Variants in RORC observed in about 807,000 individuals in gnomAD.
The protein encoded by RORC is nuclear receptor ROR-gamma.
Under a neutral mutation model 64.5 loss-of-function variants are expected in RORC, and 13 were observed. That is an observed-to-expected ratio of 0.20 (90% CI 0.13 to 0.32). The LOEUF is 0.32. Among genes scored for constraint, RORC ranks in the 10% least tolerant of loss-of-function variants. The probability of loss-of-function intolerance (pLI) is 1.00; values close to 1 mark genes in which losing one functional copy is unlikely to be tolerated. For synonymous variants in RORC, 277 were observed against 259.3 expected (o/e 1.07, Z -0.65); for missense variants, 468 against 669.5 (o/e 0.70, Z 3.32).
At chr1:151,813,090 T>C (rs1255418246) in intron 8 of RORC, 33 bp from the exon 9 acceptor site, 2 of 1,521,622 alleles carry the variant, frequency 1.3e-6, no homozygotes, top group Non-Finnish European at 1.8e-6. Context: ...AGTGAGAGAG[T>C]GGCTGGAGCG....
At chr1:151,811,252 C>A in intron 10 of RORC, 73 bp downstream of exon 10, 1 of 946,218 alleles carries the variant, frequency 1.1e-6, no homozygotes, top group South Asian at 1.4e-5. Flanking sequence ...CCACAGACCC[C>A]GGCCCTCGCA....
intron 2 of RORC, among the ~76,000 whole-genome samples, chr1:151,824,615 A>G (rs1294276198): frequency 6.6e-6 from 1 of 152,158 alleles, no homozygotes; most frequent in Non-Finnish European, 1.5e-5. Context: ...CAGAAGTGGA[A>G]TTCTTTTCTT....
chr1:151,817,294 A>G lies in RORC; in HGVS notation c.71-14T>C. 6.2e-7 allele frequency: 1 copy of G among 1,605,900 alleles called. No homozygotes were observed. Among genetic ancestry groups the G allele is most frequent in the Non-Finnish European group, 8.5e-7 (1 of 1,172,390 alleles). On this transcript the variant is annotated splice_polypyrimidine_tract_variant and intron_variant, in intron 2 of 10. Coordinates refer to ENST00000318247, the MANE Select transcript of RORC (RefSeq NM_005060.4). The stretch of plus-strand genomic sequence containing the variant: ...CTTCAATTTGTGCTGGAAGAGAGAA[A>G]GAGAAGTAGGTCAGCCCAGGAGGCT...
chr1:151,811,397 C>T lies in RORC; in HGVS notation c.1323G>A (p.Gln441=), dbSNP rs750071909. Residue 441 remains glutamine (Q), a synonymous_variant, in exon 10 of 11, where the codon CAG becomes CAA. Transcript: ENST00000318247. ...AGGCCAGCTCCAGATTGTACTGCAG[C>T]TGTTCTACTTTCCTTTTCTCTTGGA... ...PGLQEKRKVE[Q]LQYNLELAFH... 8.1e-6 allele frequency: 13 copies of T among 1,614,016 alleles called. 1 individual carries two copies. The South Asian group carries it at 1.1e-4, about 14-fold the overall frequency.
In RORC at chr1:151,831,716, G is replaced by C. The variant is rs1652424895; in HGVS notation, c.40+9C>G. On this transcript the variant is annotated intron_variant, in intron 1 of 10. Coordinates refer to ENST00000318247, the MANE Select transcript of RORC (RefSeq NM_005060.4). ...CTTCCACCTGCAGGCAGGGCCATGG[G>C]CCTCTTACCCCGTGAGGCTCGGTGC... The C allele has an allele frequency of 6.2e-7, 1 of 1,610,874 alleles. No homozygotes were observed. Among genetic ancestry groups the C allele is most frequent in the Non-Finnish European group, 8.5e-7 (1 of 1,179,974 alleles).
intron 9 of RORC, chr1:151,812,487 T>C (rs577870492): frequency 6.3e-6 from 1 of 158,922 alleles, no homozygotes; most frequent in East Asian, 1.8e-4. Context: ...GCGTGTTAAA[T>C]GCAATTTCAA....
chr1:151,821,348 C>A (rs1651988978), intron 2 of RORC, among the ~76,000 whole-genome samples: 2 of 152,184 alleles, frequency 1.3e-5, no homozygotes, highest in Admixed American at 1.3e-4. Flanking sequence ...CACAGAGAAA[C>A]CCCGGGGTCC....
chr1:151,813,610 T>C lies in RORC; in HGVS notation c.944A>G (p.Glu315Gly). ...GTGGTGGGCACACCGTTCCCACATCTCCCACATGGACTGCAGGGAGGGAGG... is the reference window on the plus strand; with the variant it reads ...GTGGTGGGCACACCGTTCCCACATCCCCCACATGGACTGCAGGGAGGGAGG... ...VTGYQRKSMW[E>G]MWERCAHHLT... Residue 315 changes from glutamate to glycine, a missense_variant, in exon 7 of 11, where the codon GAG becomes GGG. Glu to Gly is a moderately conservative substitution (Grantham distance 98, BLOSUM62 -2). This residue lies in a region of RORC where 100 missense variants were observed against 190.8 expected (regional missense o/e 0.52). Coordinates refer to ENST00000318247, the MANE Select transcript of RORC (RefSeq NM_005060.4). 1 of 1,614,172 alleles carries C rather than the reference T, an allele frequency of 6.2e-7. No individual in the cohort carries two copies. The highest frequency in any genetic ancestry group is 8.5e-7 in the Non-Finnish European group (1 of 1,180,034).
chr1:151,827,084 C>T (rs535548483), intron 2 of RORC, among the ~76,000 whole-genome samples: 10 of 152,320 alleles, frequency 6.6e-5, no homozygotes, highest in African/African-American at 2.4e-4. Context: ...TGCCACTGCA[C>T]TACAGCCTGA....
intron 5 of RORC, 24 bp downstream of exon 5, chr1:151,814,889 C>T (rs766262263): frequency 6.2e-7 from 1 of 1,603,220 alleles, no homozygotes; most frequent in Non-Finnish European, 8.5e-7. Flanking sequence ...CTCTACCACC[C>T]TCTCCACCTC....
At chr1:151,825,841 G>C (rs1023916283) in intron 2 of RORC, 6 of 1,504,694 alleles carry the variant, frequency 4.0e-6, no homozygotes, top group Non-Finnish European at 3.7e-6. Context: ...GCTCAGATTT[G>C]CTCACACTGT....
intron 10 of RORC, among the ~76,000 whole-genome samples, chr1:151,810,719 G>A (rs1651491156): frequency 6.6e-6 from 1 of 152,062 alleles, no homozygotes; most frequent in Non-Finnish European, 1.5e-5. Flanking sequence ...TTTTAGTAGA[G>A]ATGGGGTTTC....
In RORC at chr1:151,807,316, C is replaced by T. The variant is rs1651352022; in HGVS notation, c.*156G>A. ...ATTGTCCCACTGCCAGGCCGGCCTG[C>T]TGACAGAAAGCCAGCCGCAGCATCT... On this transcript the variant is annotated 3_prime_UTR_variant, in exon 11 of 11. Transcript: ENST00000318247. This position sits in a 1 kb window ranked among gnomAD's most constrained non-coding sequence, Gnocchi z 5.0. The T allele has an allele frequency of 1.1e-4, 72 of 673,118 alleles. No individual in the cohort carries two copies. In the South Asian group the frequency reaches 1.6e-3, roughly 15 times the overall value. 41.7% of individuals were successfully genotyped at this position (673,118 alleles called of 1,614,324 possible).
At chr1:151,814,793 C>T in intron 5 of RORC, 98 bp from the exon 6 acceptor site, 3 of 1,542,860 alleles carry the variant, frequency 1.9e-6, no homozygotes, top group Non-Finnish European at 1.8e-6. Flanking sequence ...GCTCCGCCTC[C>T]TCCCTCCGCC....
intron 6 of RORC, chr1:151,813,920 C>T (rs1164467041): frequency 3.3e-5 from 11 of 329,952 alleles, no homozygotes; most frequent in Non-Finnish European, 5.6e-6. Flanking sequence ...GGACATACAG[C>T]TGCCCCTTCC....
At chr1:151,816,566 G>A (rs535688026) in intron 4 of RORC, 98 bp downstream of exon 4, 4 of 1,255,518 alleles carry the variant, frequency 3.2e-6, no homozygotes, top group African/African-American at 3.0e-5. Flanking sequence ...ACCAGAGGAT[G>A]GGCCGTCTTG....
At chr1:151,813,412 C>T (rs1651618533) in intron 7 of RORC, 66 bp from the exon 8 acceptor site, 12 of 1,609,716 alleles carry the variant, frequency 7.5e-6, no homozygotes, top group Non-Finnish European at 3.4e-6. Context: ...CTCTGTCCCC[C>T]TGATTTCCTT....
intron 1 of RORC, chr1:151,831,177 G>A (rs1428976661): frequency 8.2e-7 from 1 of 1,215,116 alleles, no homozygotes; most frequent in African/African-American, 1.6e-5. Context: ...GGCGAGGAAA[G>A]GACCAGGCTA....
At chr1:151,814,528 G>C (rs115840594) in intron 6 of RORC, 46 bp downstream of exon 6, 15 of 1,579,294 alleles carry the variant, frequency 9.5e-6, no homozygotes, top group Non-Finnish European at 1.2e-5. Context: ...GAACTCTCCC[G>C]GTGGGGGTGG....
Sources: gnomAD v4.1 joint callset for allele counts (sites outside exome capture counted in the v4.1 genomes callset) on GRCh38, gnomAD v4.1.1 for gene constraint, gnomAD v4.1.1 regional missense constraint, Gnocchi (gnomAD v3.1) non-coding constraint, MANE v1.5 for transcripts, NCBI Gene and HGNC (gene_info 2026-07-23, HGNC 2026-07-21) for gene names.